Variants in ZNF682 observed in about 807,000 individuals in gnomAD.
ZNF682 encodes the protein zinc finger protein 682.
A neutral mutation model predicts 36.5 loss-of-function variants in ZNF682; 29 were observed. The ratio of observed to expected loss-of-function variants is 0.80; its 90% confidence interval spans 0.59 to 1.08. ZNF682 has a LOEUF of 1.08. Ranked by LOEUF, ZNF682 falls within the 50% of genes least tolerant of loss-of-function variation. The probability of loss-of-function intolerance (pLI) is 0.00; values close to 1 mark genes in which losing one functional copy is unlikely to be tolerated. For synonymous variants in ZNF682, 180 were observed against 197.0 expected (o/e 0.91, Z 0.72); for missense variants, 561 against 579.7 (o/e 0.97, Z 0.33).
intron 1 of ZNF682, 72 bp downstream of exon 1, chr19:20,039,271 C>T: frequency 1.3e-6 from 2 of 1,599,100 alleles, no homozygotes; most frequent in Non-Finnish European, 8.5e-7. Flanking sequence ...GCCCCAGTCC[C>T]GTCACTGCCG....
At position 20,006,426 on chromosome 19, in the gene ZNF682, T is replaced by C. The variant is rs200079037; in HGVS notation, c.1076A>G (p.His359Arg). Residue 359 changes from histidine to arginine, a missense_variant, in exon 4 of 4, where the codon CAT becomes CGT. Physicochemically the swap from His to Arg is conservative, Grantham distance 29. Transcript: ENST00000397165. ...AFNSSSILTE[H>R]KVIHSGEKPY... The stretch of plus-strand genomic sequence containing the variant: ...TTTCTCTCCGCTATGAATTACCTTA[T>C]GTTCAGTAAGAATTGATGATGAGTT... The C allele has an allele frequency of 8.7e-6, 14 of 1,613,862 alleles. No individual in the cohort carries two copies. The Admixed American group carries it at 1.5e-4, about 17-fold the overall frequency.
At chr19:20,011,334 T>C (rs1250353407) in intron 3 of ZNF682, among the ~76,000 whole-genome samples, 1 of 152,192 alleles carries the variant, frequency 6.6e-6, no homozygotes, top group Admixed American at 6.5e-5. Flanking sequence ...CAATTATTAC[T>C]GGACCTAAAA....
intron 1 of ZNF682, among the ~76,000 whole-genome samples, chr19:20,026,594 T>C (rs1315986936): frequency 6.6e-6 from 1 of 152,126 alleles, no homozygotes; most frequent in Non-Finnish European, 1.5e-5. Context: ...GCCTTCCAAG[T>C]AGCTGGACCA....
intron 3 of ZNF682, chr19:20,015,341 C>A (rs2088325830): frequency 3.1e-5 from 31 of 985,216 alleles, no homozygotes; most frequent in Non-Finnish European, 3.4e-5. Context: ...TGGGGTAAAA[C>A]CTATTCAGTC....
At chr19:19,999,345 T>C (rs1031863658) in intron 3 of ZNF682, among the ~76,000 whole-genome samples, 15 of 152,296 alleles carry the variant, frequency 9.8e-5, no homozygotes, top group African/African-American at 2.6e-4. Flanking sequence ...ACAAAACCTA[T>C]GACTAAAATA....
chr19:20,010,363 A>C (rs1258415724), intron 3 of ZNF682, among the ~76,000 whole-genome samples: 1 of 152,178 alleles, frequency 6.6e-6, no homozygotes, highest in Non-Finnish European at 1.5e-5. Flanking sequence ...CTCCACTTAA[A>C]AGACACAAAG....
intron 1 of ZNF682, among the ~76,000 whole-genome samples, chr19:20,026,746 A>C (rs2088435520): frequency 6.6e-6 from 1 of 152,200 alleles, no homozygotes; most frequent in South Asian, 2.1e-4. Context: ...GATTACAGGC[A>C]TGAGCCACTG....
chr19:20,020,808 A>C (rs911833069), intron 3 of ZNF682, among the ~76,000 whole-genome samples: 81 of 152,210 alleles, frequency 5.3e-4, no homozygotes, highest in African/African-American at 1.8e-3. Context: ...TAAGCCAGAC[A>C]CAGAAAGAAA....
intron 3 of ZNF682, chr19:20,008,061 C>G (rs551852108): frequency 2.6e-5 from 4 of 152,336 alleles, no homozygotes; most frequent in Admixed American, 2.6e-4. Context: ...CCCCAAAGGG[C>G]CAGAGGACAA....
chr19:20,013,308 T>G (rs938320458), intron 3 of ZNF682, among the ~76,000 whole-genome samples: 2 of 151,970 alleles, frequency 1.3e-5, no homozygotes, highest in African/African-American at 4.8e-5. Flanking sequence ...AACATATATA[T>G]TATCATCAGG....
At chr19:20,026,853 A>G (rs910436408) in intron 1 of ZNF682, among the ~76,000 whole-genome samples, 1 of 152,226 alleles carries the variant, frequency 6.6e-6, no homozygotes, top group African/African-American at 2.4e-5. Context: ...ACAAAGAATA[A>G]AGGAGAAGGC....
At chr19:20,027,404 G>C (rs2088440712) in intron 1 of ZNF682, among the ~76,000 whole-genome samples, 1 of 152,182 alleles carries the variant, frequency 6.6e-6, no homozygotes, top group Non-Finnish European at 1.5e-5. Context: ...AGGGCCCATA[G>C]GGCCCCACTC....
At chr19:20,022,936 G>T in intron 3 of ZNF682, 68 bp downstream of exon 3, 1 of 1,308,332 alleles carries the variant, frequency 7.6e-7, no homozygotes, top group Non-Finnish European at 1.1e-6. Flanking sequence ...AATAACTCTT[G>T]AAGTCTGTCT....
At chr19:19,999,465 C>A (rs576216962), downstream of ZNF682, among the ~76,000 whole-genome samples, 1 of 152,102 alleles carries the variant, frequency 6.6e-6, no homozygotes, top group African/African-American at 2.4e-5. Context: ...ATATGGCCAT[C>A]TGAAGCCTGT....
intron 3 of ZNF682, among the ~76,000 whole-genome samples, chr19:20,009,075 A>G (rs1162419476): frequency 6.6e-6 from 1 of 152,202 alleles, no homozygotes; most frequent in African/African-American, 2.4e-5. Context: ...AAAGGAAAAG[A>G]AGCACCAGCT....
At chr19:20,030,298 G>T (rs528006775) in intron 1 of ZNF682, among the ~76,000 whole-genome samples, 2 of 152,154 alleles carry the variant, frequency 1.3e-5, no homozygotes, top group African/African-American at 4.8e-5. Flanking sequence ...GGCTGGGCGC[G>T]GTGGCTCATG....
chr19:20,025,613 A>T (rs893087540), intron 1 of ZNF682, among the ~76,000 whole-genome samples: 9 of 151,460 alleles, frequency 5.9e-5, no homozygotes, highest in Non-Finnish European at 1.3e-4. Flanking sequence ...GGAGGCGGAG[A>T]TTGCAGTGAG....
At chr19:20,024,202 T>C (rs778082712) in intron 2 of ZNF682, 48 bp downstream of exon 2, 78 of 1,607,680 alleles carry the variant, frequency 4.9e-5, no homozygotes, top group Non-Finnish European at 6.2e-5. Context: ...AGGAAGAAAA[T>C]AAAATCTTTT....
intron 3 of ZNF682, among the ~76,000 whole-genome samples, chr19:20,018,205 C>A (rs913258268): frequency 1.3e-5 from 2 of 148,306 alleles, no homozygotes; most frequent in Non-Finnish European, 3.0e-5. Context: ...GCCATTCTCC[C>A]GCCTCAGCCT....
Sources: allele counts gnomAD v4.1 joint callset (sites outside exome capture counted in the v4.1 genomes callset), GRCh38; gene constraint gnomAD v4.1.1; transcripts MANE v1.5; gene names NCBI Gene and HGNC (gene_info 2026-07-23, HGNC 2026-07-21).